NCAM1: variants seen among roughly 807,000 people sequenced by gnomAD.
NCAM1 encodes neural cell adhesion molecule 1.
A neutral mutation model predicts 109.8 loss-of-function variants in NCAM1; 14 were observed. The ratio of observed to expected loss-of-function variants is 0.13; its 90% CI spans 0.08 to 0.20. NCAM1 has a LOEUF of 0.20. Among genes scored for constraint, NCAM1 ranks in the 10% least tolerant of loss-of-function variants. The pLI is 1.00. For synonymous variants in NCAM1, 418 were observed against 442.9 expected (o/e 0.94, Z 0.70); for missense variants, 774 against 1,109.9 (o/e 0.70, Z 4.30).
At chr11:113,175,670 A>G (rs1943122573) in intron 1 of NCAM1, among the ~76,000 whole-genome samples, 1 of 152,232 alleles carries the variant, frequency 6.6e-6, no homozygotes, top group African/African-American at 2.4e-5. Context: ...AAATAGTAAG[A>G]CATCTTTGTT....
chr11:113,066,884 G>C (rs1937986591), intron 1 of NCAM1, among the ~76,000 whole-genome samples: 1 of 151,456 alleles, frequency 6.6e-6, no homozygotes. Flanking sequence ...GGCGCCTGTA[G>C]TCCCAGTTGC....
intron 1 of NCAM1, among the ~76,000 whole-genome samples, chr11:113,125,038 G>A (rs1555096786): frequency 6.6e-6 from 1 of 152,202 alleles, no homozygotes; most frequent in Non-Finnish European, 1.5e-5. Context: ...ATTTCTATTA[G>A]TACTCTAATT....
At chr11:113,231,254 G>A (rs374188281) in intron 9 of NCAM1, 21 of 1,536,020 alleles carry the variant, frequency 1.4e-5, no homozygotes, top group Non-Finnish European at 1.6e-5. Context: ...GGCAGTGCAG[G>A]TTTCCCAGGA....
rs1555117648 is a variant in NCAM1 at position 113,233,252 on chromosome 11, A to G, written c.1628A>G (p.Tyr543Cys). 6.2e-7 allele frequency: 1 copy of G among 1,613,682 alleles called. No individual in the cohort carries two copies. The highest frequency in any genetic ancestry group is 8.5e-7 in the Non-Finnish European group (1 of 1,179,850). Residue 543 changes from tyrosine (Y) to cysteine (C), a missense_variant, in exon 13 of 20, where the codon TAC (tyrosine) becomes TGC (cysteine). Tyr to Cys is a radical substitution (Grantham distance 194, BLOSUM62 -2). This residue lies in a region of NCAM1 where 523 missense variants were observed against 784.2 expected (regional missense o/e 0.67). Coordinates refer to ENST00000316851, the MANE Select transcript of NCAM1 (RefSeq NM_181351.5). The surrounding 1 kb of genome is among the most constrained non-coding windows in gnomAD (Gnocchi z 4.5). ...EATGGVPILK[Y>C]KAEWRAVGEE... ...ACAGGTGGGGTGCCCATCCTCAAAT[A>G]CAAAGCTGAGTGGAGAGCAGTTGGT...
In NCAM1 at chr11:113,275,466, A is replaced by G; in HGVS notation, c.*79A>G. 1 of 1,514,460 alleles carries G rather than the reference A, an allele frequency of 6.6e-7. No homozygotes were observed. 93.8% of individuals were successfully genotyped at this position (1,514,460 alleles called of 1,614,324 possible). The stretch of plus-strand genomic sequence containing the variant: ...CCAGAGCATTTCCAACACCACAGAC[A>G]CACACACGCACGCACACACACAAAC... On this transcript the variant is annotated 3_prime_UTR_variant, in exon 20 of 20. Transcript: ENST00000316851.
chr11:112,990,183 T>A (rs1272916218), intron 1 of NCAM1, among the ~76,000 whole-genome samples: 1 of 152,202 alleles, frequency 6.6e-6, no homozygotes, highest in Non-Finnish European at 1.5e-5. Flanking sequence ...CTTTACAGTC[T>A]GTAGAGAGCA....
intron 1 of NCAM1, among the ~76,000 whole-genome samples, chr11:113,063,400 C>A (rs1287851427): frequency 1.3e-5 from 2 of 152,212 alleles, no homozygotes; most frequent in African/African-American, 2.4e-5. Context: ...CATTGACAAG[C>A]CTTATGCTCA....
chr11:112,964,099 A>G (rs1950651631), intron 1 of NCAM1, among the ~76,000 whole-genome samples: 1 of 151,546 alleles, frequency 6.6e-6, no homozygotes, highest in Admixed American at 6.6e-5. Context: ...CATAACAACA[A>G]GTATATATAC....
chr11:113,175,856 G>T (rs1943128416), intron 1 of NCAM1, among the ~76,000 whole-genome samples: 1 of 152,076 alleles, frequency 6.6e-6, no homozygotes, highest in African/African-American at 2.4e-5. Flanking sequence ...TAATGAAAAT[G>T]GGAATACTAC....
intron 1 of NCAM1, among the ~76,000 whole-genome samples, chr11:112,995,286 A>C (rs1262556655): frequency 6.6e-6 from 1 of 152,216 alleles, no homozygotes; most frequent in Non-Finnish European, 1.5e-5. Context: ...TTGTATTAAC[A>C]GAATTGTCGG....
At chr11:113,232,094 C>T in intron 10 of NCAM1, 76 bp from the exon 11 acceptor site, 1 of 1,394,558 alleles carries the variant, frequency 7.2e-7, no homozygotes. Flanking sequence ...CACCTGCCTT[C>T]CCAGTGCCAG....
At chr11:113,027,534 T>C (rs368441373) in intron 1 of NCAM1, among the ~76,000 whole-genome samples, 1 of 152,218 alleles carries the variant, frequency 6.6e-6, no homozygotes, top group African/African-American at 2.4e-5. Context: ...TTATAATCAC[T>C]GTTCTGCCTT....
intron 1 of NCAM1, among the ~76,000 whole-genome samples, chr11:113,158,341 C>G (rs952318864): frequency 6.6e-6 from 1 of 152,148 alleles, no homozygotes; most frequent in Non-Finnish European, 1.5e-5. Flanking sequence ...CTTTGTTTCT[C>G]TGTCAGTAGT....
At chr11:113,151,472 A>G (rs962035998) in intron 1 of NCAM1, among the ~76,000 whole-genome samples, 1 of 152,212 alleles carries the variant, frequency 6.6e-6, no homozygotes, top group African/African-American at 2.4e-5. Flanking sequence ...TCAATTAGAT[A>G]TGGTCAGGAG....
chr11:113,231,158 A>T, intron 9 of NCAM1: 1 of 1,512,762 alleles, frequency 6.6e-7, no homozygotes, highest in Non-Finnish European at 8.9e-7. Context: ...TTTCTTTAAT[A>T]ATTTCTTATG....
intron 1 of NCAM1, among the ~76,000 whole-genome samples, chr11:113,040,240 T>C (rs1250945732): frequency 2.0e-5 from 3 of 152,202 alleles, no homozygotes; most frequent in African/African-American, 7.2e-5. Flanking sequence ...CTGGAGTGTA[T>C]TTTACACCCC....
intron 9 of NCAM1, 51 bp downstream of exon 9, chr11:113,221,376 T>C: frequency 6.5e-7 from 1 of 1,538,590 alleles, no homozygotes; most frequent in Non-Finnish European, 8.8e-7. Context: ...AGCATTACAG[T>C]TTAACTCACC....
At chr11:113,110,724 C>A (rs1237542339) in intron 1 of NCAM1, among the ~76,000 whole-genome samples, 9 of 152,140 alleles carry the variant, frequency 5.9e-5, no homozygotes, top group Non-Finnish European at 1.0e-4. Flanking sequence ...TTTAAATTTT[C>A]TAAAACGAAA....
intron 1 of NCAM1, among the ~76,000 whole-genome samples, chr11:113,031,518 C>G (rs1307636648): frequency 6.6e-6 from 1 of 151,984 alleles, no homozygotes; most frequent in East Asian, 1.9e-4. Flanking sequence ...ATGGTGAAAC[C>G]CCTGCTCCAC....
Sources: gnomAD v4.1 joint callset for allele counts (sites outside exome capture counted in the v4.1 genomes callset) on GRCh38, gnomAD v4.1.1 for gene constraint, gnomAD v4.1.1 regional missense constraint, Gnocchi (gnomAD v3.1) non-coding constraint, MANE v1.5 for transcripts, NCBI Gene and HGNC (gene_info 2026-07-23, HGNC 2026-07-21) for gene names.